The following ZSWIM4 variants were observed in gnomAD, a reference collection of about 807,000 sequenced individuals.
The protein encoded by ZSWIM4 is zinc finger SWIM domain-containing protein 4.
In ZSWIM4, 62 loss-of-function variants were observed where a neutral mutation model predicts 102.5. The ratio of observed to expected loss-of-function variants is 0.60; its 90% confidence interval spans 0.49 to 0.75. ZSWIM4 has a LOEUF of 0.75. Ranked by LOEUF, ZSWIM4 falls within the 30% of genes least tolerant of loss-of-function variation. The probability of loss-of-function intolerance (pLI) is 0.00; values close to 1 mark genes in which losing one functional copy is unlikely to be tolerated. For missense variants in ZSWIM4, 1,280 were observed against 1,529.6 expected (o/e 0.84, Z 2.72); for synonymous variants, 652 against 674.5 (o/e 0.97, Z 0.52).
Position 13,805,100 on chromosome 19 carries a change from T to TCAG in ZSWIM4, c.664_665insCAG (p.Leu222delinsSerVal). 1 of 1,603,654 alleles carries TCAG rather than the reference T, an allele frequency of 6.2e-7. No homozygotes were observed. Among genetic ancestry groups the TCAG allele is most frequent in the Non-Finnish European group, 8.5e-7 (1 of 1,179,878 alleles). ...TGAGGTGCTGCCCACTGCTCAGCGC[T>TCAG]TGGCTGATGAGATCCTCCTGCTGGG... On this transcript the variant is annotated protein_altering_variant, in exon 3 of 14. Coordinates refer to ENST00000590508, the MANE Select transcript of ZSWIM4 (RefSeq NM_001367834.3).
chr19:13,795,937 C>A, intron 1 of ZSWIM4, 136 bp downstream of exon 1: 1 of 499,148 alleles, frequency 2.0e-6, no homozygotes, highest in Non-Finnish European at 2.9e-6. Flanking sequence ...CCCCCAGGAC[C>A]CTTAACCCTG....
At chr19:13,828,854 A>C in intron 13 of ZSWIM4, 128 bp downstream of exon 13, 1 of 842,650 alleles carries the variant, frequency 1.2e-6, no homozygotes, top group Non-Finnish European at 1.9e-6. Context: ...TAATCCCAGC[A>C]CTTTGGGAGG....
intron 10 of ZSWIM4, among the ~76,000 whole-genome samples, chr19:13,820,226 GT>G (rs994739524): frequency 9.2e-5 from 14 of 151,770 alleles, no homozygotes; most frequent in African/African-American, 2.2e-4. Flanking sequence ...ATAAATGTGT[GT>G]TTTTTGTTTT....
At position 13,819,347 on chromosome 19, in the gene ZSWIM4, G is replaced by A. The variant is rs1419775817; in HGVS notation, c.1925-10G>A. On this transcript the variant is annotated splice_polypyrimidine_tract_variant and intron_variant, in intron 9 of 13. Coordinates refer to ENST00000590508, the MANE Select transcript of ZSWIM4 (RefSeq NM_001367834.3). ...CACACTTGGGGACTGAGCTCAGGCT[G>A]TTCCTGCAGGGGGTCCCTTCAGTGG... 3 of 1,613,758 alleles carry A rather than the reference G, an allele frequency of 1.9e-6. No individual in the cohort carries two copies. The South Asian group carries it at 3.3e-5, about 18-fold the overall frequency.
intron 10 of ZSWIM4, among the ~76,000 whole-genome samples, chr19:13,820,793 T>G (rs187915640): frequency 2.6e-5 from 4 of 152,268 alleles, no homozygotes; most frequent in African/African-American, 9.6e-5. Flanking sequence ...TCACTGAGCT[T>G]TGCATCTTAC....
In ZSWIM4 at chr19:13,813,343, T is replaced by A. The variant is rs552213952; in HGVS notation, c.1180+179T>A. Among the ~76,000 whole-genome samples, 7 of 152,178 alleles carry A rather than the reference T, an allele frequency of 4.6e-5. No individual in the cohort carries two copies. The South Asian group carries it at 1.5e-3, about 32-fold the overall frequency. ...ACTTGTCTAGCCAGGAAAGAGCGAG[T>A]GCCAAGGGCAGGAGCAATGGCAGCC... On this transcript the variant is annotated intron_variant, in intron 6 of 13. Coordinates refer to ENST00000590508, the MANE Select transcript of ZSWIM4 (RefSeq NM_001367834.3).
Position 13,799,938 on chromosome 19 carries a change from C to A in ZSWIM4, c.355+17C>A. The A allele has an allele frequency of 6.2e-7, 1 of 1,603,264 alleles. No individual in the cohort carries two copies. Among genetic ancestry groups the A allele is most frequent in the Non-Finnish European group, 8.5e-7 (1 of 1,177,650 alleles). ...TGCAAGTGGGTGAGTCTTTGTCCCC[C>A]ACTCCTGCTGGGGAGGCCAGGAGGT... On this transcript the variant is annotated intron_variant, in intron 2 of 13. Coordinates refer to ENST00000590508, the MANE Select transcript of ZSWIM4 (RefSeq NM_001367834.3).
At chr19:13,823,637 C>T (rs747158540) in intron 11 of ZSWIM4, 137 bp downstream of exon 11, 34 of 1,042,940 alleles carry the variant, frequency 3.3e-5, no homozygotes, top group Non-Finnish European at 4.5e-5. Context: ...CTATATGTAC[C>T]GGACACTGTC....
intron 10 of ZSWIM4, among the ~76,000 whole-genome samples, chr19:13,822,746 G>A (rs544201811): frequency 8.5e-5 from 13 of 152,234 alleles, no homozygotes; most frequent in African/African-American, 1.7e-4. Context: ...TTGGGAGGCC[G>A]AGGAGGGCGG....
In ZSWIM4 at chr19:13,813,089, G is replaced by A. The variant is rs150148712; in HGVS notation, c.1105G>A (p.Asp369Asn). 249 of 1,613,814 alleles carry A rather than the reference G, an allele frequency of 1.5e-4. No individual in the cohort carries two copies. The highest frequency in any genetic ancestry group is 2.0e-4 in the Non-Finnish European group (234 of 1,179,972). ...LQLLSRWDKLDVCPLEEGNYS... is the reference protein window; with the variant it reads ...LQLLSRWDKLNVCPLEEGNYS... ...GCTACTCAGCAGGTGGGACAAGCTCGACGTCTGCCCACTGGAAGAGGGCAA... is the reference window on the plus strand; with the variant it reads ...GCTACTCAGCAGGTGGGACAAGCTCAACGTCTGCCCACTGGAAGAGGGCAA... Residue 369 changes from aspartate to asparagine, a missense_variant, in exon 6 of 14, where the codon GAC becomes AAC. Physicochemically the swap from Asp to Asn is conservative, Grantham distance 23. Transcript: ENST00000590508.
intron 7 of ZSWIM4, 67 bp downstream of exon 7, chr19:13,814,932 G>A: frequency 3.9e-6 from 4 of 1,029,434 alleles, no homozygotes; most frequent in Non-Finnish European, 5.0e-6. Context: ...CGAGGTGGGA[G>A]GATTGCTTGA....
intron 6 of ZSWIM4, among the ~76,000 whole-genome samples, chr19:13,814,029 C>A (rs1238006037): frequency 6.6e-6 from 1 of 151,500 alleles, no homozygotes. Flanking sequence ...ATGTGATGGG[C>A]CTGTACTAGC....
chr19:13,800,975 T>A (rs1157897422), intron 2 of ZSWIM4, among the ~76,000 whole-genome samples: 3 of 151,366 alleles, frequency 2.0e-5, no homozygotes, highest in Non-Finnish European at 4.4e-5. Context: ...GACCTTGTCT[T>A]CACAAAAAAA....
Position 13,808,903 on chromosome 19 carries a change from G to C in ZSWIM4, c.780G>C (p.Gln260His). ...DANCWHLDEE[Q>H]IQEQVKQLLS... ...ACTGCTGGCACCTGGACGAGGAGCA[G>C]ATCCAGGAGCAGGTGAAGCAGCTAC... is the stretch of plus-strand genomic sequence containing the variant. Residue 260 changes from glutamine (Q) to histidine (H), a missense_variant, in exon 4 of 14, where the codon CAG becomes CAC. By Grantham distance (24) the Gln-to-His change is conservative. Transcript: ENST00000590508. 1.2e-6 allele frequency: 2 copies of C among 1,612,402 alleles called. No homozygotes were observed. Among genetic ancestry groups the C allele is most frequent in the East Asian group, 2.2e-5 (1 of 44,832 alleles).
intron 2 of ZSWIM4, among the ~76,000 whole-genome samples, chr19:13,800,392 A>G (rs28376094): frequency 6.6e-6 from 1 of 151,082 alleles, no homozygotes; most frequent in African/African-American, 2.4e-5. Context: ...CAGCCTCCCA[A>G]GTAGCCGGGA....
At chr19:13,818,590 T>C (rs1975368943) in intron 9 of ZSWIM4, among the ~76,000 whole-genome samples, 1 of 152,086 alleles carries the variant, frequency 6.6e-6, no homozygotes, top group Non-Finnish European at 1.5e-5. Context: ...TTTGCGACAG[T>C]CTTCACTCTG....
chr19:13,799,116 G>A (rs1974686641), intron 1 of ZSWIM4, among the ~76,000 whole-genome samples: 1 of 151,960 alleles, frequency 6.6e-6, no homozygotes, highest in Non-Finnish European at 1.5e-5. Context: ...ATCTTGCTCT[G>A]TTGCCCAGGC....
rs1293351647 is a variant in ZSWIM4, at chr19:13,817,776, G to T, written c.1724G>T (p.Ser575Ile). 1.3e-5 allele frequency: 21 copies of T among 1,601,058 alleles called. No individual in the cohort carries two copies. The highest frequency in any genetic ancestry group is 1.7e-5 in the Non-Finnish European group (20 of 1,175,228). The change falls in exon 9 of 14, where the codon AGC becomes ATC. Residue 575 changes from serine (S) to isoleucine (I), a missense_variant. Coordinates refer to ENST00000590508, the MANE Select transcript of ZSWIM4 (RefSeq NM_001367834.3). ...VAYQHVPVPG[S>I]PGESYLVLAL... ...TACCAGCACGTGCCTGTGCCCGGGAGCCCTGGGGAGTCCTACTTGGTGCTG... is the reference window on the plus strand; with the variant it reads ...TACCAGCACGTGCCTGTGCCCGGGATCCCTGGGGAGTCCTACTTGGTGCTG...
intron 6 of ZSWIM4, 39 bp downstream of exon 6, chr19:13,813,203 A>G (rs1370147526): frequency 1.3e-6 from 2 of 1,530,062 alleles, no homozygotes; most frequent in Non-Finnish European, 1.8e-6. Flanking sequence ...CCCAAAAACC[A>G]TCACCACTAA....
Sources: gnomAD v4.1 joint callset for allele counts (sites outside exome capture counted in the v4.1 genomes callset) on GRCh38, gnomAD v4.1.1 for gene constraint, MANE v1.5 for transcripts, NCBI Gene and HGNC (gene_info 2026-07-23, HGNC 2026-07-21) for gene names.